The following CNTFR variants were observed in gnomAD, a reference collection of about 807,000 sequenced individuals.
CNTFR encodes the protein ciliary neurotrophic factor receptor subunit alpha.
CNTFR carries 12 observed loss-of-function variants against 40.4 expected under a neutral mutation model. The observed-to-expected ratio is 0.30, with a 90% CI of 0.19 to 0.48. The LOEUF (loss-of-function observed/expected upper bound fraction) is 0.48, where lower values mean the gene tolerates loss of function less well. Ranked by LOEUF, CNTFR falls within the 20% of genes least tolerant of loss-of-function variation. The pLI is 0.99. For missense variants in CNTFR, 414 were observed against 506.8 expected, an observed-to-expected ratio of 0.82 and a Z score of 1.76; for synonymous variants, 202 against 209.6, an observed-to-expected ratio of 0.96 and a Z score of 0.31.
At position 34,564,836 on chromosome 9, in the gene CNTFR, T is replaced by C. The variant is rs776038361; in HGVS notation, c.86-4A>G. 1 of 1,611,850 alleles carries C rather than the reference T, an allele frequency of 6.2e-7. No homozygotes were observed. Among genetic ancestry groups the C allele is most frequent in the Admixed American group, 1.7e-5 (1 of 59,982 alleles). On this transcript the variant is annotated splice_polypyrimidine_tract_variant and splice_region_variant and intron_variant, in intron 3 of 9. Transcript: ENST00000378980. ...TCGTACTGCACATGGGGTGCCTCTGTGGGGGGTGGGGGCACAGGGCAAAAG... is the reference window on the plus strand; with the variant it reads ...TCGTACTGCACATGGGGTGCCTCTGCGGGGGGTGGGGGCACAGGGCAAAAG...
chr9:34,577,500 T>G (rs1827036887), intron 2 of CNTFR, among the ~76,000 whole-genome samples: 1 of 152,020 alleles, frequency 6.6e-6, no homozygotes, highest in Non-Finnish European at 1.5e-5. Flanking sequence ...GGGACTAAAG[T>G]TAGCTAGGAG....
intron 4 of CNTFR, among the ~76,000 whole-genome samples, chr9:34,561,921 T>C (rs1053805156): frequency 3.9e-5 from 6 of 152,232 alleles, no homozygotes; most frequent in Non-Finnish European, 8.8e-5. Flanking sequence ...CCAGCCTTCA[T>C]CTGGCAGCAG....
rs1288043035 is a variant in CNTFR at position 34,552,852 on chromosome 9, C to T, written c.771G>A (p.Val257=). The T allele has an allele frequency of 2.5e-6, 4 of 1,610,212 alleles. No homozygotes were observed. The highest frequency in any genetic ancestry group is 1.7e-4 in the Middle Eastern group (1 of 6,054). ...TGTGTGCTGTGCCGTCGGACAGCTC[C>T]ACCTGCAGCCAGACCATGGGGTGGG... ...RPLILDQWQH[V]ELSDGTAHTI... Residue 257 remains valine, a splice_region_variant and synonymous_variant, in exon 8 of 10, where the codon GTG becomes GTA. Transcript: ENST00000378980. This position sits in a 1 kb window ranked among gnomAD's most constrained non-coding sequence, Gnocchi z 5.1.
In CNTFR at chr9:34,552,944, A is replaced by G; in HGVS notation, c.769-90T>C. On this transcript the variant is annotated intron_variant, in intron 7 of 9. Transcript: ENST00000378980. The surrounding 1 kb of genome is among the most constrained non-coding windows in gnomAD (Gnocchi z 5.1). Reference sequence around the variant, plus strand: ...AGAGGAAGTGAGCATGCCTCTGAGGAGAGGAGAGTAAAGGGCTCTGGGGGC... The same window carrying G: ...AGAGGAAGTGAGCATGCCTCTGAGGGGAGGAGAGTAAAGGGCTCTGGGGGC... The G allele has an allele frequency of 1.5e-6, 2 of 1,316,860 alleles. No individual in the cohort carries two copies. Among genetic ancestry groups the G allele is most frequent in the Non-Finnish European group, 2.1e-6 (2 of 947,136 alleles). The allele number at this position is 1,316,860 out of a possible 1,614,324, so 81.6% of individuals were successfully genotyped here.
chr9:34,564,612 C>G lies in CNTFR; in HGVS notation c.306G>C (p.Leu102=), dbSNP rs777740682. 1 of 1,610,560 alleles carries G rather than the reference C, an allele frequency of 6.2e-7. No individual in the cohort carries two copies. The highest frequency in any genetic ancestry group is 8.5e-7 in the Non-Finnish European group (1 of 1,178,510). The change falls in exon 4 of 10, where the codon CTG becomes CTC. Residue 102 remains leucine, a synonymous_variant. Coordinates refer to ENST00000378980, the MANE Select transcript of CNTFR (RefSeq NM_147164.3). ...GGCAACACTTACAGCCCACATGCAG[C>G]AGGACTTGGTGGCGCAGGTGCCAGG... ...RDSWHLRHQV[L]LHVGLPPREP...
intron 3 of CNTFR, chr9:34,567,874 G>C (rs1027146931): frequency 1.3e-5 from 2 of 152,238 alleles, no homozygotes; most frequent in Admixed American, 1.3e-4. Context: ...GGACCATGGG[G>C]ACACAAGGTA....
chr9:34,568,841 G>T, intron 3 of CNTFR, 56 bp downstream of exon 3: 2 of 1,463,158 alleles, frequency 1.4e-6, no homozygotes, highest in Non-Finnish European at 1.9e-6. Flanking sequence ...ATGCCAGTGA[G>T]GGTTCATGCC....
At chr9:34,554,915 C>T (rs966727121) in intron 7 of CNTFR, among the ~76,000 whole-genome samples, 3 of 152,234 alleles carry the variant, frequency 2.0e-5, no homozygotes, top group African/African-American at 4.8e-5. Flanking sequence ...CTACAGGCCA[C>T]GCATGTTCTC....
chr9:34,574,578 G>A (rs929439456), intron 2 of CNTFR, among the ~76,000 whole-genome samples: 1 of 152,210 alleles, frequency 6.6e-6, no homozygotes, highest in African/African-American at 2.4e-5. Flanking sequence ...AGTAGGAAGG[G>A]GCCAGGAGGG....
chr9:34,559,064 C>T (rs1564060216), intron 4 of CNTFR, among the ~76,000 whole-genome samples: 1 of 152,176 alleles, frequency 6.6e-6, no homozygotes, highest in Non-Finnish European at 1.5e-5. Context: ...GCTCCAGGGA[C>T]ACTGACACCT....
Position 34,555,995 on chromosome 9 carries a change from C to T in CNTFR, c.768+260G>A, listed in dbSNP as rs527593387. ...ATCTCCCTCCCTCACCATCTCCCTC[C>T]CTGCATTTCTCTCCACGACCCCAGG... is the stretch of plus-strand genomic sequence containing the variant. On this transcript the variant is annotated intron_variant, in intron 7 of 9. Transcript: ENST00000378980. Among the ~76,000 whole-genome samples, 14 of 148,612 alleles carry T rather than the reference C, an allele frequency of 9.4e-5. No homozygotes were observed. In the East Asian group the frequency reaches 2.7e-3, roughly 28 times the overall value.
At chr9:34,586,748 C>T (rs1228451745) in intron 1 of CNTFR, among the ~76,000 whole-genome samples, 4 of 152,294 alleles carry the variant, frequency 2.6e-5, no homozygotes, top group Non-Finnish European at 5.9e-5. Flanking sequence ...AGGAAAGCAG[C>T]GAAATCTGAC....
In CNTFR at chr9:34,557,785, G is replaced by A; in HGVS notation, c.437+82C>T. ...AGGTCAAGCCCAAGGCAGGGCTGGG[G>A]TATGGACAGAGGGCATGGTGGTGGG... On this transcript the variant is annotated intron_variant, in intron 5 of 9. Coordinates refer to ENST00000378980, the MANE Select transcript of CNTFR (RefSeq NM_147164.3). This position sits in a 1 kb window ranked among gnomAD's most constrained non-coding sequence, Gnocchi z 4.2. 1 of 1,569,268 alleles carries A rather than the reference G, an allele frequency of 6.4e-7. No individual in the cohort carries two copies. Among genetic ancestry groups the A allele is most frequent in the Non-Finnish European group, 8.7e-7 (1 of 1,145,084 alleles).
At position 34,552,872 on chromosome 9, in the gene CNTFR, G is replaced by A. The variant is rs909115731; in HGVS notation, c.769-18C>T. On this transcript the variant is annotated intron_variant, in intron 7 of 9. Transcript: ENST00000378980. The surrounding 1 kb of genome is among the most constrained non-coding windows in gnomAD (Gnocchi z 5.1). ...AGCTCCACCTGCAGCCAGACCATGG[G>A]GTGGGGGTAAGGACACACCTGGGGG... The A allele has an allele frequency of 1.9e-6, 3 of 1,606,924 alleles. No individual in the cohort carries two copies. The highest frequency in any genetic ancestry group is 2.2e-5 in the East Asian group (1 of 44,856).
intron 2 of CNTFR, among the ~76,000 whole-genome samples, chr9:34,577,844 AAGAG>A (rs1196239698): frequency 6.6e-6 from 1 of 151,958 alleles, no homozygotes; most frequent in East Asian, 1.9e-4. Flanking sequence ...AAGAGAAAAG[AAGAG>A]AGACAGCTTG....
intron 1 of CNTFR, chr9:34,582,661 C>T (rs1230780142): frequency 8.0e-6 from 1 of 125,220 alleles, no homozygotes; most frequent in East Asian, 2.7e-4. Flanking sequence ...TAGCCAGAAA[C>T]TAAAATAAGA....
At chr9:34,583,233 C>G (rs1827394949) in intron 1 of CNTFR, among the ~76,000 whole-genome samples, 1 of 152,226 alleles carries the variant, frequency 6.6e-6, no homozygotes, top group Non-Finnish European at 1.5e-5. Flanking sequence ...ATACCCATCT[C>G]CCTATCTTGG....
At position 34,557,821 on chromosome 9, in the gene CNTFR, G is replaced by A. The variant is rs1480144573; in HGVS notation, c.437+46C>T. 1.3e-6 allele frequency: 2 copies of A among 1,541,122 alleles called. No individual in the cohort carries two copies. The highest frequency in any genetic ancestry group is 1.4e-5 in the African/African-American group (1 of 73,490). ...GGGCATGGTGGTGGGATGGGGGAGA[G>A]GTCAGAGGTCAGGGCTGGACCCGGG... On this transcript the variant is annotated intron_variant, in intron 5 of 9. Transcript: ENST00000378980. This position sits in a 1 kb window ranked among gnomAD's most constrained non-coding sequence, Gnocchi z 4.2.
In CNTFR at chr9:34,581,925, G is replaced by C. The variant is rs140885656; in HGVS notation, c.-111-720C>G. ...AGGTATCACTTGTTCAGGGTCCTTG[G>C]TTACCCAGACACTGTGATAAGTACT... is the stretch of plus-strand genomic sequence containing the variant. On this transcript the variant is annotated intron_variant, in intron 1 of 9. Transcript: ENST00000378980. Among the ~76,000 whole-genome samples, 708 of 152,246 alleles carry C rather than the reference G, an allele frequency of 4.7e-3. 7 individuals carry two copies. Among genetic ancestry groups the C allele is most frequent in the African/African-American group, 0.016 (680 of 41,534 alleles).
Sources: allele counts gnomAD v4.1 joint callset (sites outside exome capture counted in the v4.1 genomes callset), GRCh38; gene constraint gnomAD v4.1.1; non-coding constraint Gnocchi (gnomAD v3.1); transcripts MANE v1.5; gene names NCBI Gene and HGNC (gene_info 2026-07-23, HGNC 2026-07-21).